MX1: variants seen among roughly 807,000 people sequenced by gnomAD.
The protein encoded by MX1 is MX dynamin like GTPase 1.
In MX1, 66 loss-of-function variants were observed where a neutral mutation model predicts 66.4. The observed-to-expected ratio is 0.99, with a 90% confidence interval of 0.82 to 1.22. The LOEUF (loss-of-function observed/expected upper bound fraction) is 1.22. Ranked by LOEUF, MX1 falls within the 50% of genes most tolerant of loss-of-function variation. The pLI, the probability that MX1 is intolerant of heterozygous loss-of-function variation, is 0.00. For synonymous variants in MX1, 311 were observed against 318.1 expected (o/e 0.98, Z 0.24); for missense variants, 787 against 834.3 (o/e 0.94, Z 0.70).
chr21:41,451,509 AGAAACTCACT>A (rs369751396), intron 15 of MX1, among the ~76,000 whole-genome samples: 63 of 152,322 alleles, frequency 4.1e-4, no homozygotes, highest in African/African-American at 1.4e-3. Flanking sequence ...CTCCAAATCC[AGAAACTCACT>A]GAGGAAACTA....
At chr21:41,438,424 C>A (rs556132687) in intron 7 of MX1, among the ~76,000 whole-genome samples, 3 of 152,292 alleles carry the variant, frequency 2.0e-5, no homozygotes, top group African/African-American at 7.2e-5. Context: ...GGCTGATGGT[C>A]CAGGATGGCC....
At chr21:41,446,385 A>G (rs2090665663) in intron 13 of MX1, among the ~76,000 whole-genome samples, 1 of 152,210 alleles carries the variant, frequency 6.6e-6, no homozygotes. Flanking sequence ...CAGGGGTACC[A>G]CAGGCATACC....
chr21:41,453,724 G>C (rs904864765), intron 16 of MX1, among the ~76,000 whole-genome samples: 18 of 152,302 alleles, frequency 1.2e-4, no homozygotes, highest in African/African-American at 4.3e-4. Flanking sequence ...GGCAGGAATT[G>C]TAGGTAAAAT....
At chr21:41,436,189 A>T (rs533245216) in intron 6 of MX1, among the ~76,000 whole-genome samples, 160 bp downstream of exon 6, 2 of 152,330 alleles carry the variant, frequency 1.3e-5, no homozygotes, top group South Asian at 4.1e-4. Flanking sequence ...CATGGCTTGC[A>T]GATGGCCACC....
intron 16 of MX1, among the ~76,000 whole-genome samples, chr21:41,453,865 T>C (rs1392953633): frequency 6.6e-6 from 1 of 150,548 alleles, no homozygotes; most frequent in East Asian, 2.0e-4. Flanking sequence ...GAGTTAAACT[T>C]TGTCTACAAA....
chr21:41,454,210 G>T (rs549158038), intron 16 of MX1, among the ~76,000 whole-genome samples: 1 of 152,132 alleles, frequency 6.6e-6, no homozygotes, highest in African/African-American at 2.4e-5. Flanking sequence ...TTTCCTTTAG[G>T]GTCTGCAATC....
rs372033280 is a variant in MX1, at chr21:41,432,171, G to A, written c.101G>A (p.Gly34Asp). The change falls in exon 5 of 17, where the codon GGC (glycine) becomes GAC (aspartate). Residue 34 changes from glycine (G) to aspartate (D), a missense_variant. Gly to Asp is a moderately conservative substitution (Grantham distance 94). Coordinates refer to ENST00000398598, the MANE Select transcript of MX1 (RefSeq NM_002462.5). ...GDATVAQKNPGSVAENNLCSQ... is the reference protein window; with the variant it reads ...GDATVAQKNPDSVAENNLCSQ... The stretch of plus-strand genomic sequence containing the variant: ...GCTACTGTGGCCCAGAAAAATCCAG[G>A]CTCGGTAAGTTGCTCTCTGAAAGTC... 41 of 1,613,774 alleles carry A rather than the reference G, an allele frequency of 2.5e-5. No individual in the cohort carries two copies. Among genetic ancestry groups the A allele is most frequent in the East Asian group, 4.5e-5 (2 of 44,890 alleles).
chr21:41,456,961 C>T lies in MX1; in HGVS notation c.1759-1567C>T, dbSNP rs149868301. The stretch of plus-strand genomic sequence containing the variant: ...TTTTTCAGTAGAGACGGGGTTTCAC[C>T]ATATTGGCCAGGCTGGTCTTGAACG... On this transcript the variant is annotated intron_variant, in intron 16 of 16. Transcript: ENST00000398598. Among the ~76,000 whole-genome samples, 586 of 152,278 alleles carry T rather than the reference C, an allele frequency of 3.8e-3. 3 individuals carry two copies. The highest frequency in any genetic ancestry group is 0.013 in the African/African-American group (541 of 41,550).
At chr21:41,438,189 A>G (rs2090415746) in intron 7 of MX1, among the ~76,000 whole-genome samples, 1 of 152,250 alleles carries the variant, frequency 6.6e-6, no homozygotes, top group Non-Finnish European at 1.5e-5. Context: ...AGCATTAATC[A>G]CATTTGTTGA....
chr21:41,435,415 C>T (rs1355793700), intron 5 of MX1, among the ~76,000 whole-genome samples: 7 of 152,066 alleles, frequency 4.6e-5, no homozygotes, highest in Non-Finnish European at 8.8e-5. Flanking sequence ...TGAAGTTGGC[C>T]GTCTTTAATG....
At chr21:41,435,237 A>G (rs1452031581) in intron 5 of MX1, among the ~76,000 whole-genome samples, 1 of 152,082 alleles carries the variant, frequency 6.6e-6, no homozygotes, top group Non-Finnish European at 1.5e-5. Context: ...TTATGGCTTG[A>G]TGATGTTTAT....
At chr21:41,432,248 C>A in intron 5 of MX1, 73 bp downstream of exon 5, 1 of 1,351,384 alleles carries the variant, frequency 7.4e-7, no homozygotes, top group Non-Finnish European at 1.1e-6. Context: ...TTTTCTACAG[C>A]GGTGCTACTG....
chr21:41,443,143 G>T (rs1214222675), intron 10 of MX1, among the ~76,000 whole-genome samples: 1 of 149,582 alleles, frequency 6.7e-6, no homozygotes, highest in East Asian at 1.9e-4. Context: ...AAAATTGACA[G>T]AGAAACTGAA....
At chr21:41,445,737 C>T (rs976458412) in intron 12 of MX1, 167 bp downstream of exon 12, 9 of 1,016,510 alleles carry the variant, frequency 8.9e-6, no homozygotes, top group South Asian at 5.0e-5. Flanking sequence ...GCAGGGAGTG[C>T]AGATGTGGGG....
intron 16 of MX1, among the ~76,000 whole-genome samples, chr21:41,453,869 CT>C (rs2090895380): frequency 1.3e-5 from 2 of 148,524 alleles, no homozygotes; most frequent in African/African-American, 5.0e-5. Flanking sequence ...TAAACTTTGT[CT>C]ACAAACTTGA....
At chr21:41,443,631 T>C in intron 10 of MX1, 157 bp from the exon 11 acceptor site, 1 of 688,730 alleles carries the variant, frequency 1.5e-6, no homozygotes, top group Middle Eastern at 4.1e-4. Flanking sequence ...ATAATCCTAT[T>C]CAATCCAGTT....
At chr21:41,433,152 T>C (rs1158933040) in intron 5 of MX1, among the ~76,000 whole-genome samples, 1 of 152,206 alleles carries the variant, frequency 6.6e-6, no homozygotes, top group Non-Finnish European at 1.5e-5. Context: ...GTTCTCAAAG[T>C]GTGGCCCCCA....
intron 7 of MX1, among the ~76,000 whole-genome samples, chr21:41,438,341 T>C (rs1169917553): frequency 1.3e-5 from 2 of 152,268 alleles, no homozygotes; most frequent in Non-Finnish European, 2.9e-5. Flanking sequence ...TTAAAACTAA[T>C]GGCTTGACCA....
At position 41,441,807 on chromosome 21, in the gene MX1, T is replaced by G; in HGVS notation, c.822T>G (p.Gly274=). 6.2e-7 allele frequency: 1 copy of G among 1,613,978 alleles called. No individual in the cohort carries two copies. The change falls in exon 10 of 17, where the codon GGT becomes GGG. Residue 274 remains glycine, a synonymous_variant. Transcript: ENST00000398598. The surrounding 1 kb of genome is among the most constrained non-coding windows in gnomAD (Gnocchi z 4.0). ...VRNLVFHLKK[G]YMIVKCRGQQ... Reference sequence around the variant, plus strand: ...ACCTCGTGTTCCACCTGAAGAAGGGTTACATGATTGTCAAGTGCCGGGGCC... The same window carrying G: ...ACCTCGTGTTCCACCTGAAGAAGGGGTACATGATTGTCAAGTGCCGGGGCC...
Sources: allele counts gnomAD v4.1 joint callset (sites outside exome capture counted in the v4.1 genomes callset), GRCh38; gene constraint gnomAD v4.1.1; non-coding constraint Gnocchi (gnomAD v3.1); transcripts MANE v1.5; gene names NCBI Gene and HGNC (gene_info 2026-07-23, HGNC 2026-07-21).